Variants in SGMS2 observed in about 807,000 individuals in gnomAD.
The protein encoded by SGMS2 is phosphatidylcholine:ceramide cholinephosphotransferase 2.
Under a neutral mutation model 43.8 loss-of-function variants are expected in SGMS2, and 21 were observed. The ratio of observed to expected loss-of-function variants is 0.48; its 90% CI spans 0.34 to 0.69. The LOEUF (loss-of-function observed/expected upper bound fraction) is 0.69, where lower values mean the gene tolerates loss of function less well. SGMS2 is among the 30% of genes least tolerant of loss of function. The pLI is 0.01. For missense variants in SGMS2, 384 were observed against 443.2 expected (o/e 0.87, Z 1.20); for synonymous variants, 167 against 160.6 (o/e 1.04, Z -0.30).
intron 2 of SGMS2, among the ~76,000 whole-genome samples, chr4:107,890,585 G>A (rs779397743): frequency 1.1e-4 from 16 of 147,650 alleles, no homozygotes; most frequent in Non-Finnish European, 1.2e-4. Context: ...TGGGGCAGGA[G>A]AATCCCTTGA....
chr4:107,879,124 T>TTA (rs1203261637), intron 2 of SGMS2, among the ~76,000 whole-genome samples: 1 of 149,914 alleles, frequency 6.7e-6, no homozygotes, highest in African/African-American at 2.5e-5. Flanking sequence ...TTTTTTTTTT[T>TTA]AGTGAGAAAT....
chr4:107,838,654 G>C (rs1206392929), intron 1 of SGMS2, among the ~76,000 whole-genome samples: 1 of 151,322 alleles, frequency 6.6e-6, no homozygotes, highest in Non-Finnish European at 1.5e-5. Context: ...TTATAATCTG[G>C]TTTTCTGTTT....
intron 1 of SGMS2, among the ~76,000 whole-genome samples, chr4:107,845,363 G>A (rs1389339745): frequency 6.6e-6 from 1 of 152,210 alleles, no homozygotes; most frequent in Admixed American, 6.5e-5. Context: ...AGAGGAGCAT[G>A]TGGCCATTTA....
intron 2 of SGMS2, among the ~76,000 whole-genome samples, chr4:107,882,771 G>A (rs889810256): frequency 6.6e-6 from 1 of 152,084 alleles, no homozygotes; most frequent in South Asian, 2.1e-4. Flanking sequence ...GTCTAAGAAA[G>A]CTCTTGTGTC....
chr4:107,868,640 C>G (rs1306551399), intron 2 of SGMS2, among the ~76,000 whole-genome samples: 1 of 152,050 alleles, frequency 6.6e-6, no homozygotes, highest in African/African-American at 2.4e-5. Flanking sequence ...ATTGCTTGAA[C>G]CCAGGAGGAG....
chr4:107,867,003 A>G (rs1166985186), intron 2 of SGMS2: 1 of 152,164 alleles, frequency 6.6e-6, no homozygotes, highest in African/African-American at 2.4e-5. Flanking sequence ...TCATGGCACT[A>G]TCAGTTTTTA....
intron 2 of SGMS2, among the ~76,000 whole-genome samples, chr4:107,889,800 G>A (rs1730057474): frequency 6.6e-6 from 1 of 152,078 alleles, no homozygotes; most frequent in African/African-American, 2.4e-5. Flanking sequence ...TGCATCATAA[G>A]ATACAGAGAG....
At chr4:107,876,636 T>C (rs1024724450) in intron 2 of SGMS2, among the ~76,000 whole-genome samples, 33 of 152,362 alleles carry the variant, frequency 2.2e-4, no homozygotes, top group African/African-American at 7.2e-4. Context: ...AATCAATATG[T>C]GGATTTCTAA....
intron 2 of SGMS2, among the ~76,000 whole-genome samples, chr4:107,874,926 T>C (rs1728796874): frequency 6.6e-6 from 1 of 152,144 alleles, no homozygotes; most frequent in Admixed American, 6.6e-5. Context: ...AAATCATCAT[T>C]ATTAGGTTAT....
intron 1 of SGMS2, among the ~76,000 whole-genome samples, chr4:107,838,044 G>A (rs1456569594): frequency 6.6e-6 from 1 of 152,054 alleles, no homozygotes; most frequent in Non-Finnish European, 1.5e-5. Flanking sequence ...GTATAGAAGT[G>A]ATATATAAAG....
chr4:107,906,968 G>A (rs1006585388), intron 5 of SGMS2, among the ~76,000 whole-genome samples: 2 of 152,150 alleles, frequency 1.3e-5, no homozygotes, highest in African/African-American at 2.4e-5. Flanking sequence ...GGTCTGAGGT[G>A]CTGGGAAACG....
intron 1 of SGMS2, among the ~76,000 whole-genome samples, chr4:107,847,541 G>A (rs1321523979): frequency 6.6e-6 from 1 of 151,974 alleles, no homozygotes; most frequent in Non-Finnish European, 1.5e-5. Flanking sequence ...TTGAAGTCAG[G>A]TAGTGTGATG....
intron 1 of SGMS2, among the ~76,000 whole-genome samples, chr4:107,839,119 C>G (rs776478326): frequency 1.4e-4 from 22 of 152,158 alleles, no homozygotes; most frequent in Non-Finnish European, 2.6e-4. Context: ...CCCTTCTTAC[C>G]TATTTCAGAA....
Position 107,836,898 on chromosome 4 carries a change from G to A in SGMS2, c.-327+11645G>A, listed in dbSNP as rs1477994853. Among the ~76,000 whole-genome samples, 4 of 152,116 alleles carry A rather than the reference G, an allele frequency of 2.6e-5. 1 individual carries two copies. The South Asian group carries it at 6.2e-4, about 24-fold the overall frequency. ...AAGGGAGAGGAGAGTACAGTTCTCT[G>A]GGGGAAAAATAACTCAGTGCAGATG... On this transcript the variant is annotated intron_variant, in intron 1 of 6. Transcript: ENST00000690982.
At chr4:107,903,032 A>T (rs1731253835) in intron 4 of SGMS2, among the ~76,000 whole-genome samples, 1 of 152,214 alleles carries the variant, frequency 6.6e-6, no homozygotes, top group African/African-American at 2.4e-5. Flanking sequence ...CATATTGAAT[A>T]ATTTAAAACG....
intron 2 of SGMS2, among the ~76,000 whole-genome samples, chr4:107,864,906 G>C (rs1728001826): frequency 6.6e-6 from 1 of 151,844 alleles, no homozygotes; most frequent in Non-Finnish European, 1.5e-5. Flanking sequence ...ATTTAAGTTT[G>C]GTTTATTTTA....
At chr4:107,874,748 T>C (rs914446525) in intron 2 of SGMS2, among the ~76,000 whole-genome samples, 1 of 152,214 alleles carries the variant, frequency 6.6e-6, no homozygotes, top group African/African-American at 2.4e-5. Flanking sequence ...CATTGTCACT[T>C]GCATTCCTTA....
At chr4:107,851,342 C>T (rs746847686) in intron 1 of SGMS2, among the ~76,000 whole-genome samples, 3 of 152,128 alleles carry the variant, frequency 2.0e-5, no homozygotes, top group Non-Finnish European at 2.9e-5. Context: ...TAAGCAACCT[C>T]TTAGAAATCT....
chr4:107,879,140 G>A (rs1484227370), intron 2 of SGMS2, among the ~76,000 whole-genome samples: 2 of 145,396 alleles, frequency 1.4e-5, no homozygotes, highest in Non-Finnish European at 3.0e-5. Context: ...GAAATAGACC[G>A]ATTTTCCCCC....
Sources: allele counts gnomAD v4.1 joint callset (sites outside exome capture counted in the v4.1 genomes callset), GRCh38; gene constraint gnomAD v4.1.1; transcripts MANE v1.5; gene names NCBI Gene and HGNC (gene_info 2026-07-23, HGNC 2026-07-21).